Variants in COBLL1 observed in about 807,000 individuals in gnomAD.
COBLL1 encodes cordon-bleu protein-like 1.
COBLL1 carries 50 observed loss-of-function variants against 94.8 expected under a neutral mutation model. That is an observed-to-expected ratio of 0.53 (90% CI 0.42 to 0.67). The LOEUF (loss-of-function observed/expected upper bound fraction) is 0.67, where lower values mean the gene tolerates loss of function less well. COBLL1 is among the 30% of genes least tolerant of loss of function. The probability of loss-of-function intolerance (pLI) is 0.00; values close to 1 mark genes in which losing one functional copy is unlikely to be tolerated. For missense variants in COBLL1, 1,362 were observed against 1,348.7 expected, an observed-to-expected ratio of 1.01 and a Z score of -0.15; for synonymous variants, 448 against 473.8, an observed-to-expected ratio of 0.95 and a Z score of 0.71.
At chr2:164,780,495 G>C (rs1283041360) in intron 2 of COBLL1, among the ~76,000 whole-genome samples, 8 of 151,974 alleles carry the variant, frequency 5.3e-5, no homozygotes, top group Non-Finnish European at 4.4e-5. Flanking sequence ...GATTTTCATG[G>C]CTTTTCTTGA....
At chr2:164,722,782 A>T (rs1685522099) in intron 5 of COBLL1, 1 of 206,528 alleles carries the variant, frequency 4.8e-6, no homozygotes, top group Non-Finnish European at 9.6e-6. Context: ...CAGAGCTACG[A>T]CACAAACTCA....
chr2:164,814,170 C>T (rs1684595812), intron 2 of COBLL1, among the ~76,000 whole-genome samples: 1 of 152,070 alleles, frequency 6.6e-6, no homozygotes, highest in Non-Finnish European at 1.5e-5. Context: ...TTTGTAGAAG[C>T]TGCTTCATTT....
chr2:164,726,095 T>G (rs769082149), intron 5 of COBLL1, among the ~76,000 whole-genome samples: 3 of 152,190 alleles, frequency 2.0e-5, no homozygotes, highest in Non-Finnish European at 2.9e-5. Flanking sequence ...AACCACATCC[T>G]TCCATTACTG....
intron 2 of COBLL1, among the ~76,000 whole-genome samples, chr2:164,796,138 T>C (rs1466520137): frequency 1.3e-5 from 2 of 152,172 alleles, no homozygotes; most frequent in African/African-American, 4.8e-5. Flanking sequence ...CCAGAAAGAT[T>C]CAGATGGCAC....
chr2:164,741,324 G>A (rs1035258039), intron 3 of COBLL1, among the ~76,000 whole-genome samples: 1 of 151,942 alleles, frequency 6.6e-6, no homozygotes, highest in African/African-American at 2.4e-5. Flanking sequence ...GGTGGTGAAG[G>A]AAAAGCCTAC....
intron 2 of COBLL1, among the ~76,000 whole-genome samples, chr2:164,745,304 AACATATTGT>A: frequency 6.6e-6 from 1 of 152,302 alleles, no homozygotes; most frequent in Non-Finnish European, 1.5e-5. Flanking sequence ...TAATAATAGA[AACATATTGT>A]ACTTCAGAAA....
At chr2:164,736,391 T>C (rs1686311263) in intron 3 of COBLL1, among the ~76,000 whole-genome samples, 1 of 152,158 alleles carries the variant, frequency 6.6e-6, no homozygotes, top group African/African-American at 2.4e-5. Flanking sequence ...CTTATTATGC[T>C]ATAAGAAATA....
chr2:164,673,801 G>C (rs1053893850), intron 1 of COBLL1, among the ~76,000 whole-genome samples: 1 of 152,106 alleles, frequency 6.6e-6, no homozygotes, highest in Non-Finnish European at 1.5e-5. Context: ...ATTGTTTATG[G>C]CAGAATATGT....
chr2:164,730,549 C>G (rs775641016), intron 3 of COBLL1, among the ~76,000 whole-genome samples: 1 of 151,734 alleles, frequency 6.6e-6, no homozygotes, highest in African/African-American at 2.4e-5. Flanking sequence ...AAATAATCTC[C>G]AAAAAAATTG....
chr2:164,743,750 TTATC>T lies in COBLL1; in HGVS notation c.163_166del (p.Asp55LysfsTer25). 1 of 1,613,696 alleles carries T rather than the reference TTATC, an allele frequency of 6.2e-7. No individual in the cohort carries two copies. Among genetic ancestry groups the T allele is most frequent in the Non-Finnish European group, 8.5e-7 (1 of 1,179,778 alleles). On this transcript the variant is annotated frameshift_variant, in exon 3 of 14. Transcript: ENST00000652658. LOFTEE classifies it high-confidence loss of function. ...TAGGACCACTGAGAGTTCAACGTCT[TTATC>T]TATCATGTTTTCTTTCTGTTCCATG...
intron 9 of COBLL1, 77 bp downstream of exon 9, chr2:164,704,367 C>A: frequency 2.1e-6 from 2 of 958,236 alleles, no homozygotes; most frequent in Non-Finnish European, 3.4e-6. Flanking sequence ...TACAAAGCAT[C>A]GCAAATGGAC....
chr2:164,755,414 T>C (rs921306976), intron 2 of COBLL1, among the ~76,000 whole-genome samples: 8 of 152,222 alleles, frequency 5.3e-5, no homozygotes, highest in African/African-American at 1.9e-4. Context: ...CTGCATAGTA[T>C]GTTCAATTAA....
intron 2 of COBLL1, among the ~76,000 whole-genome samples, chr2:164,799,019 C>CAA (rs555113117): frequency 1.6e-4 from 11 of 69,822 alleles, no homozygotes; most frequent in East Asian, 4.4e-4. Flanking sequence ...GACTCCGTCT[C>CAA]AAAAAAAAAA....
intron 2 of COBLL1, among the ~76,000 whole-genome samples, chr2:164,746,785 A>C (rs1406183521): frequency 1.3e-5 from 2 of 151,914 alleles, no homozygotes; most frequent in Non-Finnish European, 2.9e-5. Context: ...CTTTCTCCCT[A>C]GGATCACTGC....
chr2:164,673,793 T>TACAA (rs1284225279), intron 1 of COBLL1, among the ~76,000 whole-genome samples: 15 of 152,226 alleles, frequency 9.9e-5, no homozygotes, highest in Admixed American at 9.8e-4. Context: ...ATTTGTGTAT[T>TACAA]GTTTATGGCA....
At chr2:164,736,691 C>T (rs1686329133) in intron 3 of COBLL1, among the ~76,000 whole-genome samples, 2 of 151,974 alleles carry the variant, frequency 1.3e-5, no homozygotes, top group African/African-American at 4.8e-5. Context: ...ATATATCTCA[C>T]TATAATTGGG....
chr2:164,729,834 A>G, intron 4 of COBLL1, 80 bp downstream of exon 4: 2 of 1,236,318 alleles, frequency 1.6e-6, no homozygotes, highest in Admixed American at 3.6e-5. Flanking sequence ...TTTAACCAGT[A>G]AAGTCCATTT....
intron 2 of COBLL1, chr2:164,773,571 G>T: frequency 4.2e-6 from 1 of 239,218 alleles, no homozygotes; most frequent in Non-Finnish European, 8.3e-6. Context: ...AAATGCTGAT[G>T]GAGAAAAAGA....
Position 164,722,171 on chromosome 2 carries a change from C to T in COBLL1, c.900G>A (p.Met300Ile). 1.9e-6 allele frequency: 3 copies of T among 1,614,108 alleles called. No homozygotes were observed. Among genetic ancestry groups the T allele is most frequent in the Middle Eastern group, 3.3e-4 (2 of 6,060 alleles). Residue 300 changes from methionine (M) to isoleucine (I), a missense_variant, in exon 7 of 14, where the codon ATG (methionine) becomes ATA (isoleucine). Met to Ile is a conservative substitution (Grantham distance 10, BLOSUM62 1). Coordinates refer to ENST00000652658, the MANE Select transcript of COBLL1 (RefSeq NM_001365672.2). ...CTTGGGGGACACTCTGAGATGCTGG[C>T]ATCGGGGGCAGTGGAGCCCGCCTCT... ...PKKRRAPLPP[M>I]PASQSVPQDL...
Sources: allele counts gnomAD v4.1 joint callset (sites outside exome capture counted in the v4.1 genomes callset), GRCh38; gene constraint gnomAD v4.1.1; transcripts MANE v1.5; gene names NCBI Gene and HGNC (gene_info 2026-07-23, HGNC 2026-07-21).